Variants in MSRB3 observed in about 807,000 individuals in gnomAD.
The protein encoded by MSRB3 is methionine sulfoxide reductase B3.
MSRB3 carries 13 observed loss-of-function variants against 21.0 expected under a neutral mutation model. That is an observed-to-expected ratio of 0.62 (90% CI 0.40 to 0.98). The LOEUF (loss-of-function observed/expected upper bound fraction) is 0.98, where lower values mean the gene tolerates loss of function less well. Among genes scored for constraint, MSRB3 ranks in the 50% least tolerant of loss-of-function variants. The pLI is 0.00. For missense variants in MSRB3, 199 were observed against 230.3 expected (o/e 0.86, Z 0.88); for synonymous variants, 87 against 88.6 (o/e 0.98, Z 0.10).
intron 1 of MSRB3, among the ~76,000 whole-genome samples, chr12:65,294,081 C>CTTG: frequency 2.6e-5 from 4 of 152,154 alleles, no homozygotes; most frequent in Admixed American, 2.6e-4. Context: ...GGCAGTGCCC[C>CTTG]CAGTATTTCT....
intron 4 of MSRB3, 63 bp from the exon 5 acceptor site, chr12:65,368,935 C>CCCA: frequency 2.5e-6 from 1 of 398,102 alleles, no homozygotes; most frequent in Non-Finnish European, 4.4e-6. Flanking sequence ...CCCCCCCCCC[C>CCCA]ATGAAATAAT....
chr12:65,460,979 A>C (rs988475198), intron 6 of MSRB3, among the ~76,000 whole-genome samples: 4 of 152,190 alleles, frequency 2.6e-5, no homozygotes, highest in Non-Finnish European at 5.9e-5. Flanking sequence ...TTGGTGTAGA[A>C]TAAATAGAAA....
intron 5 of MSRB3, among the ~76,000 whole-genome samples, chr12:65,378,450 C>G (rs1409004768): frequency 1.3e-5 from 2 of 152,110 alleles, no homozygotes; most frequent in African/African-American, 4.8e-5. Flanking sequence ...CAGGTTGGGT[C>G]CAGGTCTGTT....
At chr12:65,311,622 C>A (rs373424393) in intron 2 of MSRB3, among the ~76,000 whole-genome samples, 14 of 151,860 alleles carry the variant, frequency 9.2e-5, no homozygotes, top group Admixed American at 2.6e-4. Flanking sequence ...GAGAAGAGGC[C>A]AAAATTGGAA....
intron 5 of MSRB3, among the ~76,000 whole-genome samples, chr12:65,436,176 A>T (rs1368062614): frequency 6.6e-6 from 1 of 151,892 alleles, no homozygotes; most frequent in Non-Finnish European, 1.5e-5. Context: ...ATTTTCACTA[A>T]TCACAATTTC....
intron 5 of MSRB3, among the ~76,000 whole-genome samples, chr12:65,427,502 T>C (rs1187511464): frequency 1.3e-5 from 2 of 152,144 alleles, no homozygotes; most frequent in African/African-American, 4.8e-5. Flanking sequence ...AAGTTGTGGC[T>C]GAGGGGATTT....
At chr12:65,297,973 G>A (rs1427874218) in intron 1 of MSRB3, among the ~76,000 whole-genome samples, 1 of 151,944 alleles carries the variant, frequency 6.6e-6, no homozygotes, top group Non-Finnish European at 1.5e-5. Flanking sequence ...TCCAAGGTTT[G>A]AGATTTTAGT....
At chr12:65,383,762 GT>G (rs1879067839) in intron 5 of MSRB3, among the ~76,000 whole-genome samples, 1 of 151,752 alleles carries the variant, frequency 6.6e-6, no homozygotes. Flanking sequence ...CCTGGTTCAA[GT>G]GATTTTCCTG....
chr12:65,447,525 CA>C (rs1354445555), intron 5 of MSRB3, among the ~76,000 whole-genome samples: 15 of 151,696 alleles, frequency 9.9e-5, no homozygotes, highest in Admixed American at 9.2e-4. Context: ...AATAAGTTGC[CA>C]AAAAAATACC....
chr12:65,404,995 G>A (rs1358289797), intron 5 of MSRB3, among the ~76,000 whole-genome samples: 1 of 149,522 alleles, frequency 6.7e-6, no homozygotes, highest in African/African-American at 2.5e-5. Context: ...TCAGTCTGTT[G>A]CCCAGGCTGG....
At chr12:65,366,655 A>G (rs1412442145) in intron 4 of MSRB3, among the ~76,000 whole-genome samples, 1 of 152,186 alleles carries the variant, frequency 6.6e-6, no homozygotes, top group African/African-American at 2.4e-5. Flanking sequence ...TGCAGAAGAA[A>G]TCTAGAATAA....
chr12:65,286,935 C>T (rs377406383), intron 1 of MSRB3, among the ~76,000 whole-genome samples: 5 of 138,400 alleles, frequency 3.6e-5, no homozygotes, highest in African/African-American at 7.9e-5. Flanking sequence ...GTGGGAGAAT[C>T]GCTTGAGCCC....
chr12:65,431,054 T>C (rs1881853197), intron 5 of MSRB3, among the ~76,000 whole-genome samples: 1 of 152,128 alleles, frequency 6.6e-6, no homozygotes, highest in Non-Finnish European at 1.5e-5. Flanking sequence ...TAGATTACTT[T>C]AGTGAGTATT....
intron 4 of MSRB3, among the ~76,000 whole-genome samples, chr12:65,352,561 A>C (rs903016744): frequency 3.9e-5 from 6 of 151,926 alleles, no homozygotes; most frequent in African/African-American, 1.5e-4. Context: ...ATATCTAGAA[A>C]ACCCCATTGT....
At chr12:65,363,561 T>C (rs1176375428) in intron 4 of MSRB3, among the ~76,000 whole-genome samples, 1 of 152,218 alleles carries the variant, frequency 6.6e-6, no homozygotes, top group Non-Finnish European at 1.5e-5. Flanking sequence ...TCATGAAAAT[T>C]TCATTTTCAT....
At chr12:65,327,346 A>G (rs1267282102) in intron 3 of MSRB3, among the ~76,000 whole-genome samples, 1 of 152,250 alleles carries the variant, frequency 6.6e-6, no homozygotes, top group Non-Finnish European at 1.5e-5. Context: ...AAAAGAAGGT[A>G]GCATAATTTA....
At chr12:65,334,904 C>T (rs1875660117) in intron 4 of MSRB3, among the ~76,000 whole-genome samples, 1 of 152,160 alleles carries the variant, frequency 6.6e-6, no homozygotes, top group Non-Finnish European at 1.5e-5. Flanking sequence ...TCCAAATTTT[C>T]ACTAATCTTT....
chr12:65,359,476 A>T (rs1877581737), intron 4 of MSRB3, among the ~76,000 whole-genome samples: 1 of 152,126 alleles, frequency 6.6e-6, no homozygotes, highest in South Asian at 2.1e-4. Context: ...AGTAAATTTT[A>T]CTAACCCCTA....
chr12:65,338,479 A>G (rs1468005458), intron 4 of MSRB3, among the ~76,000 whole-genome samples: 1 of 152,244 alleles, frequency 6.6e-6, no homozygotes, highest in Non-Finnish European at 1.5e-5. Context: ...TTGCAACTGT[A>G]AAGTTGTACC....
Sources: gnomAD v4.1 joint callset for allele counts (sites outside exome capture counted in the v4.1 genomes callset) on GRCh38, gnomAD v4.1.1 for gene constraint, MANE v1.5 for transcripts, NCBI Gene and HGNC (gene_info 2026-07-23, HGNC 2026-07-21) for gene names.